The following LCORL variants were observed in gnomAD, a reference collection of about 807,000 sequenced individuals.
The protein encoded by LCORL is ligand dependent nuclear receptor corepressor like, also known as ligand-dependent nuclear receptor corepressor-like protein.
A neutral mutation model predicts 141.8 loss-of-function variants in LCORL; 41 were observed. That is an observed-to-expected ratio of 0.29 (90% CI 0.23 to 0.38). The LOEUF is 0.38. LCORL is among the 10% of genes least tolerant of loss of function. LCORL has a pLI of 1.00. For synonymous variants in LCORL, 618 were observed against 694.1 expected (o/e 0.89, Z 1.72); for missense variants, 1,759 against 2,035.0 (o/e 0.86, Z 2.61).
intron 4 of LCORL, chr4:17,912,690 CCCT>C (rs1183998653): frequency 2.5e-6 from 1 of 392,530 alleles, no homozygotes; most frequent in African/African-American, 2.1e-5. Context: ...GCCTGCTATG[CCCT>C]GCAGATGGAG....
At chr4:17,917,940 A>AAAAAC (rs139664926) in intron 4 of LCORL, among the ~76,000 whole-genome samples, 2,552 of 151,856 alleles carry the variant, frequency 0.017, 30 homozygotes, top group African/African-American at 0.031. Flanking sequence ...ACAGGTTAAC[A>AAAAAC]AAAACAAAAC....
At chr4:17,921,272 C>T (rs1734261806) in intron 4 of LCORL, among the ~76,000 whole-genome samples, 1 of 152,000 alleles carries the variant, frequency 6.6e-6, no homozygotes, top group Non-Finnish European at 1.5e-5. Flanking sequence ...GTGATCTGCC[C>T]CCACCTTGGC....
intron 4 of LCORL, among the ~76,000 whole-genome samples, chr4:17,959,764 T>C (rs531760401): frequency 6.6e-6 from 1 of 152,102 alleles, no homozygotes; most frequent in South Asian, 2.1e-4. Flanking sequence ...ACTAATGCCA[T>C]CCATATCCAG....
chr4:17,847,329 T>G (rs746090970), intron 7 of LCORL, among the ~76,000 whole-genome samples: 97 of 152,054 alleles, frequency 6.4e-4, no homozygotes, highest in Admixed American at 9.2e-4. Context: ...CTTGGTAGAG[T>G]TGGGAAATGG....
In LCORL at chr4:18,015,917, CA is replaced by C. The variant is rs1200120717; in HGVS notation, c.154+5680del. Among the ~76,000 whole-genome samples, 10 of 151,328 alleles carry C rather than the reference CA, an allele frequency of 6.6e-5. No homozygotes were observed. In the East Asian group the frequency reaches 1.7e-3, roughly 26 times the overall value. On this transcript the variant is annotated intron_variant, in intron 1 of 7. Transcript: ENST00000635767. ...TTATTGTATTCAGTTACCACATAGC[CA>C]AAAGATTCCTTTCGGTATCAAAGGC...
In LCORL at chr4:18,009,917, C is replaced by T. The variant is rs576982383; in HGVS notation, c.154+11681G>A. On this transcript the variant is annotated intron_variant, in intron 1 of 7. Transcript: ENST00000635767. ...CATGACGATGTGGCTCTGCCTCCCA[C>T]GCACCCCACCCAGTGTGGATACCTA... is the stretch of plus-strand genomic sequence containing the variant. Among the ~76,000 whole-genome samples the T allele has an allele frequency of 7.2e-5, 11 of 152,252 alleles. No homozygotes were observed. In the South Asian group the frequency reaches 1.2e-3, roughly 17 times the overall value.
intron 1 of LCORL, among the ~76,000 whole-genome samples, chr4:17,989,800 C>T (rs67978911): frequency 0.23 from 35,724 of 152,118 alleles, 5,315 homozygotes; most frequent in African/African-American, 0.42. Flanking sequence ...ATCACAGCTC[C>T]TTAGGCCAGA....
intron 1 of LCORL, among the ~76,000 whole-genome samples, chr4:17,996,050 G>GA (rs1338682618): frequency 1.3e-5 from 2 of 151,950 alleles, no homozygotes; most frequent in East Asian, 1.9e-4. Flanking sequence ...GGAACTTCTT[G>GA]AAAAAATGTA....
At chr4:17,981,917 G>T (rs1231756688) in intron 1 of LCORL, among the ~76,000 whole-genome samples, 1 of 151,992 alleles carries the variant, frequency 6.6e-6, no homozygotes, top group Non-Finnish European at 1.5e-5. Flanking sequence ...TCCTCAAGCA[G>T]GTCCCAATGT....
intron 2 of LCORL, among the ~76,000 whole-genome samples, chr4:17,971,292 T>C (rs1486695831): frequency 2.0e-5 from 3 of 152,036 alleles, no homozygotes; most frequent in African/African-American, 7.2e-5. Flanking sequence ...TTTACAAAAA[T>C]AGAATGAGTC....
At chr4:17,983,809 A>C (rs1577636435) in intron 1 of LCORL, among the ~76,000 whole-genome samples, 1 of 152,096 alleles carries the variant, frequency 6.6e-6, no homozygotes, top group African/African-American at 2.4e-5. Context: ...ATTATGTTGA[A>C]TAGAAGTAGT....
Position 17,971,301 on chromosome 4 carries a change from TC to T in LCORL, c.220+1518del, listed in dbSNP as rs763391116. 2.0e-5 allele frequency among the ~76,000 whole-genome samples: 3 copies of T among 152,092 alleles called. No individual in the cohort carries two copies. In the East Asian group the frequency reaches 5.8e-4, roughly 29 times the overall value. On this transcript the variant is annotated intron_variant, in intron 2 of 7. Coordinates refer to ENST00000635767, the Ensembl canonical transcript of LCORL. ...GTTTTGTTTACAAAAATAGAATGAG[TC>T]AATATACAGTATATATACACTGCAC...
chr4:17,912,356 TA>T lies in LCORL; in HGVS notation c.431-3012del. The T allele has an allele frequency of 7.5e-6, 5 of 665,834 alleles. 1 individual carries two copies. Among genetic ancestry groups the T allele is most frequent in the South Asian group, 2.7e-5 (2 of 73,466 alleles). The allele number at this position is 665,834 out of a possible 1,614,324, so 41.2% of individuals were successfully genotyped here. On this transcript the variant is annotated intron_variant, in intron 4 of 7. Transcript: ENST00000635767. ...TTCATGAAGAACCATGAAGAGGAAG[TA>T]AAAGGCCTACAAGCCCAGATTGCCA...
intron 2 of LCORL, among the ~76,000 whole-genome samples, chr4:17,969,032 C>A (rs6853216): frequency 6.6e-6 from 1 of 152,024 alleles, no homozygotes; most frequent in Non-Finnish European, 1.5e-5. Flanking sequence ...TAAATATACA[C>A]AGTCAGGTAT....
chr4:17,996,213 C>T (rs768003357), intron 1 of LCORL, among the ~76,000 whole-genome samples: 9 of 151,872 alleles, frequency 5.9e-5, no homozygotes, highest in Admixed American at 5.3e-4. Context: ...TATCTTTTAC[C>T]AGCTCTGTAA....
intron 1 of LCORL, among the ~76,000 whole-genome samples, chr4:17,975,066 T>C (rs1004124664): frequency 6.6e-5 from 10 of 152,092 alleles, no homozygotes; most frequent in African/African-American, 2.2e-4. Flanking sequence ...ACTCATTTTC[T>C]ATGTTTTTCA....
exon 8 of LCORL, chr4:17,845,898 C>A: frequency 6.3e-7 from 1 of 1,599,236 alleles, no homozygotes. Context: ...TCACTTGTAG[C>A]ATGCTGGAAG....
rs1351065964 is a variant in LCORL at position 18,021,202 on chromosome 4, C to G, written c.154+396G>C. 6.6e-6 allele frequency among the ~76,000 whole-genome samples: 1 copy of G among 152,010 alleles called. No homozygotes were observed. The highest frequency in any genetic ancestry group is 1.9e-4 in the East Asian group (1 of 5,156). ...CCCGCCTTCCTCCGGCCGCCCTGCCCGCCGGCTCTCCTCCGCCAGGGCGCC... is the reference window on the plus strand; with the variant it reads ...CCCGCCTTCCTCCGGCCGCCCTGCCGGCCGGCTCTCCTCCGCCAGGGCGCC... On this transcript the variant is annotated intron_variant, in intron 1 of 7. Transcript: ENST00000635767. This position sits in a 1 kb window ranked among gnomAD's most constrained non-coding sequence, Gnocchi z 5.5.
chr4:17,957,196 T>G (rs1712827780), intron 4 of LCORL, among the ~76,000 whole-genome samples: 1 of 151,906 alleles, frequency 6.6e-6, no homozygotes, highest in Non-Finnish European at 1.5e-5. Context: ...AAAAGCCTGG[T>G]AGAGACAAAA....
Sources: gnomAD v4.1 joint callset for allele counts (sites outside exome capture counted in the v4.1 genomes callset) on GRCh38, gnomAD v4.1.1 for gene constraint, Gnocchi (gnomAD v3.1) non-coding constraint, MANE v1.5 for transcripts, NCBI Gene and HGNC (gene_info 2026-07-23, HGNC 2026-07-21) for gene names.